Variants in SPATA6 observed in about 807,000 individuals in gnomAD.
SPATA6 encodes the protein spermatogenesis associated 6, also known as spermatogenesis-associated protein 6.
In SPATA6, 56 loss-of-function variants were observed where a neutral mutation model predicts 65.3. The observed-to-expected ratio is 0.86, with a 90% CI of 0.69 to 1.07. The LOEUF is 1.07. Among genes scored for constraint, SPATA6 ranks in the 50% least tolerant of loss-of-function variants. The pLI, the probability that SPATA6 is intolerant of heterozygous loss-of-function variation, is 0.00. For missense variants in SPATA6, 590 were observed against 594.8 expected, an observed-to-expected ratio of 0.99 and a Z score of 0.08; for synonymous variants, 199 against 213.2, an observed-to-expected ratio of 0.93 and a Z score of 0.58.
Position 48,471,962 on chromosome 1 carries a change from C to T in SPATA6, c.47G>A (p.Ser16Asn), listed in dbSNP as rs776156078. The T allele has an allele frequency of 1.2e-6, 2 of 1,606,632 alleles. No individual in the cohort carries two copies. The highest frequency in any genetic ancestry group is 1.7e-4 in the Middle Eastern group (1 of 6,006). ...GGAGGCGCTACCGGTACTCACTGAG[C>T]TGATCTCCAGCGCCAGGGCGCACTG... is the stretch of plus-strand genomic sequence containing the variant. Reference protein sequence around the residue: ...ALQCALALEISSVTCPGVVLK... With the variant: ...ALQCALALEINSVTCPGVVLK... The change falls in exon 1 of 13, where the codon AGC becomes AAC. Residue 16 changes from serine to asparagine, a missense_variant. Ser to Asn is a conservative substitution (Grantham distance 46, BLOSUM62 1). Transcript: ENST00000371847.
intron 3 of SPATA6, among the ~76,000 whole-genome samples, chr1:48,440,785 C>T (rs950605923): frequency 3.9e-5 from 6 of 152,162 alleles, no homozygotes; most frequent in Non-Finnish European, 7.4e-5. Flanking sequence ...CAATCAGTCA[C>T]AGATATCAGG....
the SPATA6 span, chr1:48,262,796 A>C: frequency 6.6e-6 from 1 of 152,200 alleles, no homozygotes. Flanking sequence ...TTCCATTAAT[A>C]GTTTTTACGT....
intron 11 of SPATA6, among the ~76,000 whole-genome samples, chr1:48,340,301 T>A (rs1646178432): frequency 8.2e-6 from 1 of 121,878 alleles, no homozygotes. Flanking sequence ...AAATGAGAAA[T>A]TATCTAAAAT....
chr1:48,328,743 T>C (rs1323018716), intron 11 of SPATA6, among the ~76,000 whole-genome samples: 1 of 152,204 alleles, frequency 6.6e-6, no homozygotes, highest in East Asian at 1.9e-4. Context: ...GTGTGAATTG[T>C]ATAGTAGGTG....
In SPATA6 at chr1:48,363,619, A is replaced by G. The variant is rs1051703959; in HGVS notation, c.910-3849T>C. ...AAAAGTCTTTTTTTTACATTTATGA[A>G]AAGAGTTTTTTTAATGACTTTCTAT... On this transcript the variant is annotated intron_variant, in intron 9 of 12. Transcript: ENST00000371847. 1.1e-4 allele frequency among the ~76,000 whole-genome samples: 17 copies of G among 152,176 alleles called. 1 individual carries two copies. In the East Asian group the frequency reaches 3.1e-3, roughly 28 times the overall value.
rs1317297033 is a variant in SPATA6, at chr1:48,420,478, C to A, written c.239-7327G>T. Among the ~76,000 whole-genome samples the A allele has an allele frequency of 3.3e-5, 5 of 152,064 alleles. 1 individual carries two copies. Among genetic ancestry groups the A allele is most frequent in the Admixed American group, 2.0e-4 (3 of 15,256 alleles). On this transcript the variant is annotated intron_variant, in intron 3 of 12. Transcript: ENST00000371847. ...GGCTGCAGGATATGAGGGACTAAACCCCTCAATCTGTGGGATCTGACACTA... is the reference window on the plus strand; with the variant it reads ...GGCTGCAGGATATGAGGGACTAAACACCTCAATCTGTGGGATCTGACACTA...
the SPATA6 span, among the ~76,000 whole-genome samples, chr1:48,278,491 G>A: frequency 1.3e-5 from 2 of 152,202 alleles, no homozygotes; most frequent in African/African-American, 4.8e-5. Flanking sequence ...GCTTAAAGGA[G>A]CTGATGGAGC....
chr1:48,350,341 C>A (rs1334018189), intron 11 of SPATA6, among the ~76,000 whole-genome samples: 1 of 149,456 alleles, frequency 6.7e-6, no homozygotes, highest in Non-Finnish European at 1.5e-5. Flanking sequence ...AGTCCTAACT[C>A]ATATATGTGA....
Position 48,472,106 on chromosome 1 carries a change from C to A in SPATA6, c.-98G>T. On this transcript the variant is annotated 5_prime_UTR_variant, in exon 1 of 13. Coordinates refer to ENST00000371847, the MANE Select transcript of SPATA6 (RefSeq NM_019073.4). ...CGGGGACGGGGAGGAGACGAGGTGGCGGCGGCGGTGGCAGCAGTGGCCCCC... is the reference window on the plus strand; with the variant it reads ...CGGGGACGGGGAGGAGACGAGGTGGAGGCGGCGGTGGCAGCAGTGGCCCCC... 2 of 1,001,572 alleles carry A rather than the reference C, an allele frequency of 2.0e-6. No homozygotes were observed. Among genetic ancestry groups the A allele is most frequent in the South Asian group, 3.6e-5 (2 of 55,064 alleles). 62.0% of individuals were successfully genotyped at this position (1,001,572 alleles called of 1,614,324 possible).
At chr1:48,352,700 T>G (rs1646544128) in intron 11 of SPATA6, among the ~76,000 whole-genome samples, 1 of 151,920 alleles carries the variant, frequency 6.6e-6, no homozygotes, top group Admixed American at 6.6e-5. Flanking sequence ...CCAAAACAGA[T>G]GAAAGACATG....
intron 11 of SPATA6, chr1:48,325,750 G>A (rs1645739853): frequency 4.0e-6 from 2 of 495,650 alleles, no homozygotes; most frequent in Admixed American, 5.4e-5. Flanking sequence ...TCTCGCGCAA[G>A]GTGTATGCCC....
chr1:48,402,324 A>T (rs1651241575), intron 6 of SPATA6, among the ~76,000 whole-genome samples: 2 of 152,234 alleles, frequency 1.3e-5, no homozygotes, highest in South Asian at 4.1e-4. Context: ...TATATTTCAG[A>T]CAAAAAGTTA....
At chr1:48,268,642 A>G in the SPATA6 span, among the ~76,000 whole-genome samples, 3 of 152,328 alleles carry the variant, frequency 2.0e-5, no homozygotes, top group Non-Finnish European at 2.9e-5. Flanking sequence ...TGTTTTAAAA[A>G]TACTACCTTA....
chr1:48,356,829 AAAAT>A (rs1257447056), intron 10 of SPATA6, among the ~76,000 whole-genome samples: 5 of 152,288 alleles, frequency 3.3e-5, no homozygotes, highest in African/African-American at 1.2e-4. Context: ...ATGTTTATAC[AAAAT>A]ATAAACTACT....
At chr1:48,379,398 T>A (rs1648291135) in intron 9 of SPATA6, among the ~76,000 whole-genome samples, 1 of 151,990 alleles carries the variant, frequency 6.6e-6, no homozygotes, top group Admixed American at 6.6e-5. Flanking sequence ...CCAAACAATA[T>A]CACATGTAGA....
rs138527990 is a variant in SPATA6, at chr1:48,356,384, T to C, written c.1095-615A>G. On this transcript the variant is annotated intron_variant, in intron 10 of 12. Coordinates refer to ENST00000371847, the MANE Select transcript of SPATA6 (RefSeq NM_019073.4). The stretch of plus-strand genomic sequence containing the variant: ...ACTAGTATAGATAAACGACTTTATT[T>C]CATATAATAATGAAAATTTCTAATT... Among the ~76,000 whole-genome samples the C allele has an allele frequency of 3.6e-3, 529 of 148,050 alleles. 3 individuals carry two copies. The highest frequency in any genetic ancestry group is 0.012 in the African/African-American group (486 of 41,394).
chr1:48,471,107 G>C (rs1011499318), intron 1 of SPATA6, among the ~76,000 whole-genome samples: 1 of 152,188 alleles, frequency 6.6e-6, no homozygotes, highest in African/African-American at 2.4e-5. Context: ...AGTCTTCTGA[G>C]ATCAACAAGG....
At chr1:48,444,652 C>A (rs1045021675) in intron 3 of SPATA6, among the ~76,000 whole-genome samples, 6 of 152,186 alleles carry the variant, frequency 3.9e-5, no homozygotes, top group Admixed American at 3.9e-4. Flanking sequence ...GCTGGCCAAC[C>A]CAGCCAGCAG....
At chr1:48,390,412 G>A (rs1254186806) in intron 8 of SPATA6, among the ~76,000 whole-genome samples, 1 of 152,164 alleles carries the variant, frequency 6.6e-6, no homozygotes, top group African/African-American at 2.4e-5. Flanking sequence ...TGGGAAGGAT[G>A]GGTTGGTAGG....
Sources: gnomAD v4.1 joint callset for allele counts (sites outside exome capture counted in the v4.1 genomes callset) on GRCh38, gnomAD v4.1.1 for gene constraint, MANE v1.5 for transcripts, NCBI Gene and HGNC (gene_info 2026-07-23, HGNC 2026-07-21) for gene names.